CNTNAP2: variants seen among roughly 807,000 people sequenced by gnomAD.
CNTNAP2 encodes contactin-associated protein-like 2.
A neutral mutation model predicts 155.2 loss-of-function variants in CNTNAP2; 98 were observed. That is an observed-to-expected ratio of 0.63 (90% CI 0.54 to 0.75). The LOEUF is 0.75. CNTNAP2 is among the 30% of genes least tolerant of loss of function. CNTNAP2 has a pLI of 0.00. For missense variants in CNTNAP2, 1,727 were observed against 1,688.1 expected, an observed-to-expected ratio of 1.02 and a Z score of -0.40; for synonymous variants, 651 against 631.2, an observed-to-expected ratio of 1.03 and a Z score of -0.47.
At chr7:147,302,812 G>T (rs948440480) in intron 9 of CNTNAP2, among the ~76,000 whole-genome samples, 5 of 152,170 alleles carry the variant, frequency 3.3e-5, no homozygotes. Flanking sequence ...TGCCCCCAGA[G>T]GGCAAAAGAA....
chr7:147,951,822 G>A (rs879811101), intron 14 of CNTNAP2, among the ~76,000 whole-genome samples: 2 of 151,920 alleles, frequency 1.3e-5, no homozygotes, highest in Admixed American at 6.6e-5. Flanking sequence ...TAATGCATGC[G>A]GGGCTTAAAA....
intron 15 of CNTNAP2, among the ~76,000 whole-genome samples, chr7:148,041,484 GGC>G (rs1802674150): frequency 6.6e-6 from 1 of 152,196 alleles, no homozygotes; most frequent in Non-Finnish European, 1.5e-5. Flanking sequence ...GGAGAACCGT[GGC>G]ATTTCAACCC....
At chr7:146,388,855 G>A (rs970140203) in intron 1 of CNTNAP2, among the ~76,000 whole-genome samples, 1 of 152,102 alleles carries the variant, frequency 6.6e-6, no homozygotes, top group African/African-American at 2.4e-5. Flanking sequence ...AAGCAAGAAT[G>A]TGTGATGTTT....
intron 3 of CNTNAP2, among the ~76,000 whole-genome samples, chr7:146,858,856 C>T (rs545290686): frequency 6.6e-6 from 1 of 152,082 alleles, no homozygotes; most frequent in African/African-American, 2.4e-5. Flanking sequence ...ATAATTTGTC[C>T]TACATCATTT....
chr7:147,119,565 C>G (rs1320681569), intron 5 of CNTNAP2, among the ~76,000 whole-genome samples: 1 of 152,160 alleles, frequency 6.6e-6, no homozygotes, highest in Admixed American at 6.6e-5. Context: ...CCTCTTGTCC[C>G]TCTCCTTTTC....
intron 3 of CNTNAP2, among the ~76,000 whole-genome samples, chr7:146,973,641 A>G (rs939010580): frequency 6.6e-6 from 1 of 152,214 alleles, no homozygotes; most frequent in African/African-American, 2.4e-5. Flanking sequence ...GAGATGCTTT[A>G]TGGAAACTCT....
intron 1 of CNTNAP2, among the ~76,000 whole-genome samples, chr7:146,356,727 A>C (rs1795003909): frequency 6.6e-6 from 1 of 152,190 alleles, no homozygotes; most frequent in Admixed American, 6.5e-5. Flanking sequence ...TGGATGGAGA[A>C]GTGGATCATG....
chr7:148,310,561 A>G (rs1001594695), intron 21 of CNTNAP2, among the ~76,000 whole-genome samples: 1 of 152,204 alleles, frequency 6.6e-6, no homozygotes, highest in Non-Finnish European at 1.5e-5. Context: ...AATTAGTGGA[A>G]TAACTCTTTT....
intron 8 of CNTNAP2, among the ~76,000 whole-genome samples, chr7:147,222,795 A>G (rs1315491349): frequency 6.8e-6 from 1 of 146,542 alleles, no homozygotes; most frequent in African/African-American, 2.5e-5. Context: ...TGTGAACATC[A>G]CAAGTGTTTC....
At chr7:146,702,477 A>G (rs1308873223) in intron 1 of CNTNAP2, among the ~76,000 whole-genome samples, 2 of 152,166 alleles carry the variant, frequency 1.3e-5, no homozygotes. Flanking sequence ...GAGCTGTCTA[A>G]TCGAACATTT....
intron 3 of CNTNAP2, among the ~76,000 whole-genome samples, chr7:146,936,322 A>G (rs762220719): frequency 3.9e-5 from 6 of 152,176 alleles, no homozygotes; most frequent in Non-Finnish European, 7.3e-5. Flanking sequence ...AAACACATAG[A>G]TCCTAGAACA....
intron 13 of CNTNAP2, among the ~76,000 whole-genome samples, chr7:147,733,737 C>T (rs1004022451): frequency 4.6e-5 from 7 of 152,072 alleles, no homozygotes; most frequent in Admixed American, 2.6e-4. Flanking sequence ...TCCTTCACAT[C>T]CTTTGTAAGT....
chr7:147,523,786 A>G (rs1439373639), intron 11 of CNTNAP2, among the ~76,000 whole-genome samples: 1 of 152,218 alleles, frequency 6.6e-6, no homozygotes, highest in African/African-American at 2.4e-5. Context: ...TTCACAGCAC[A>G]GACCGTGTGC....
At chr7:146,805,078 A>G (rs1029008316) in intron 2 of CNTNAP2, among the ~76,000 whole-genome samples, 7 of 152,322 alleles carry the variant, frequency 4.6e-5, no homozygotes, top group East Asian at 1.9e-4. Flanking sequence ...CATAGTGGCC[A>G]TTGGGTTTGT....
intron 13 of CNTNAP2, among the ~76,000 whole-genome samples, chr7:147,696,942 T>C (rs1796169354): frequency 6.6e-6 from 1 of 152,200 alleles, no homozygotes; most frequent in African/African-American, 2.4e-5. Context: ...TCTGATTTAA[T>C]GAGGTTTGAA....
intron 1 of CNTNAP2, among the ~76,000 whole-genome samples, chr7:146,182,506 T>C (rs1005398053): frequency 6.6e-6 from 1 of 152,162 alleles, no homozygotes; most frequent in Non-Finnish European, 1.5e-5. Flanking sequence ...GAATGTGTTC[T>C]TCCAAAGCAG....
intron 2 of CNTNAP2, among the ~76,000 whole-genome samples, chr7:146,822,515 C>T (rs1803307419): frequency 6.6e-6 from 1 of 150,740 alleles, no homozygotes; most frequent in Non-Finnish European, 1.5e-5. Context: ...ACATTTGTCC[C>T]ACCTTCCCCT....
chr7:147,990,492 G>C (rs1178358695), intron 15 of CNTNAP2, among the ~76,000 whole-genome samples: 1 of 152,076 alleles, frequency 6.6e-6, no homozygotes, highest in Non-Finnish European at 1.5e-5. Context: ...TGGTTGGAGG[G>C]GGGTTATCTT....
chr7:146,170,096 G>A (rs543181730), intron 1 of CNTNAP2, among the ~76,000 whole-genome samples: 9 of 148,078 alleles, frequency 6.1e-5, no homozygotes, highest in Admixed American at 1.4e-4. Flanking sequence ...GTGCCATCTC[G>A]GCTCACTGCA....
Sources: allele counts gnomAD v4.1 joint callset (sites outside exome capture counted in the v4.1 genomes callset), GRCh38; gene constraint gnomAD v4.1.1; transcripts MANE v1.5; gene names NCBI Gene and HGNC (gene_info 2026-07-23, HGNC 2026-07-21).